FUT8: variants seen among roughly 807,000 people sequenced by gnomAD.
FUT8 encodes alpha-(1,6)-fucosyltransferase.
FUT8 carries 29 observed loss-of-function variants against 71.3 expected under a neutral mutation model. The ratio of observed to expected loss-of-function variants is 0.41; its 90% CI spans 0.30 to 0.55. FUT8 has a LOEUF of 0.55. Ranked by LOEUF, FUT8 falls within the 20% of genes least tolerant of loss-of-function variation. FUT8 has a pLI of 0.34. For synonymous variants in FUT8, 254 were observed against 239.3 expected (o/e 1.06, Z -0.57); for missense variants, 544 against 702.1 (o/e 0.77, Z 2.55).
intron 7 of FUT8, among the ~76,000 whole-genome samples, chr14:65,686,770 A>G (rs1458387024): frequency 6.6e-6 from 1 of 152,208 alleles, no homozygotes; most frequent in Admixed American, 6.5e-5. Flanking sequence ...AAGAGAACTT[A>G]AGAGAAGCTG....
the FUT8 span, among the ~76,000 whole-genome samples, chr14:65,375,455 CAAAAAAAGTTTTAAAATTA>C: frequency 6.6e-6 from 1 of 151,878 alleles, no homozygotes; most frequent in South Asian, 2.1e-4. Context: ...CCCATCTCTA[CAAAAAAAGTTTTAAAATTA>C]GCTGGTTGTG....
At chr14:65,640,785 C>G (rs1461706668) in intron 6 of FUT8, among the ~76,000 whole-genome samples, 1 of 152,064 alleles carries the variant, frequency 6.6e-6, no homozygotes, top group African/African-American at 2.4e-5. Context: ...GTGCTATACT[C>G]CAGAGCCTGG....
At chr14:65,573,749 A>AT (rs1030680410) in intron 3 of FUT8, among the ~76,000 whole-genome samples, 1 of 152,016 alleles carries the variant, frequency 6.6e-6, no homozygotes, top group Non-Finnish European at 1.5e-5. Context: ...AAAAAAAAAA[A>AT]AATAGGGCGT....
intron 1 of FUT8, among the ~76,000 whole-genome samples, chr14:65,446,678 C>CTTT (rs11378151): frequency 0.39 from 51,905 of 133,890 alleles, 10,931 homozygotes; most frequent in Non-Finnish European, 0.48. Context: ...TGTTTTAGGG[C>CTTT]TTTTTTTTTT....
chr14:65,631,584 G>A (rs1890180734), intron 6 of FUT8, among the ~76,000 whole-genome samples: 1 of 151,616 alleles, frequency 6.6e-6, no homozygotes, highest in Non-Finnish European at 1.5e-5. Flanking sequence ...TTCAGATATT[G>A]CTATTTAACT....
intron 7 of FUT8, among the ~76,000 whole-genome samples, chr14:65,670,164 G>A (rs770922464): frequency 5.3e-5 from 8 of 152,158 alleles, no homozygotes; most frequent in Non-Finnish European, 1.0e-4. Context: ...CCAAGGAAGT[G>A]GTGAAGGAGT....
intron 7 of FUT8, among the ~76,000 whole-genome samples, chr14:65,712,365 A>C (rs1372498744): frequency 6.6e-6 from 1 of 152,238 alleles, no homozygotes; most frequent in Admixed American, 6.5e-5. Context: ...TAGTCTCTGA[A>C]CTTTAGAGTT....
intron 3 of FUT8, among the ~76,000 whole-genome samples, chr14:65,585,014 A>G (rs1887299719): frequency 7.0e-6 from 1 of 142,776 alleles, no homozygotes; most frequent in Non-Finnish European, 1.5e-5. Flanking sequence ...CTAATTGTTT[A>G]TACATTTCTT....
At chr14:65,564,155 A>C (rs562002678) in intron 3 of FUT8, among the ~76,000 whole-genome samples, 1 of 151,910 alleles carries the variant, frequency 6.6e-6, no homozygotes, top group Non-Finnish European at 1.5e-5. Flanking sequence ...TAGCATTGGG[A>C]TTTTTTTCCC....
intron 1 of FUT8, among the ~76,000 whole-genome samples, chr14:65,441,810 T>A (rs563019225): frequency 1.2e-4 from 18 of 151,016 alleles, no homozygotes; most frequent in Middle Eastern, 3.4e-3. Context: ...TTTTTTTTTT[T>A]AATTATACTT....
chr14:65,595,602 CTTTTTTTTT>C (rs34129010), intron 3 of FUT8, among the ~76,000 whole-genome samples: 9 of 81,756 alleles, frequency 1.1e-4, no homozygotes, highest in African/African-American at 2.3e-4. Context: ...ACACCATTCT[CTTTTTTTTT>C]TTTTTTTTTT....
intron 3 of FUT8, among the ~76,000 whole-genome samples, chr14:65,611,298 CA>C (rs1347379728): frequency 8.0e-5 from 4 of 50,288 alleles, no homozygotes; most frequent in Admixed American, 2.1e-4. Flanking sequence ...CACACACACA[CA>C]CACCCCCCAA....
At chr14:65,561,280 T>C (rs912136074) in intron 2 of FUT8, 57 bp from the exon 3 acceptor site, 2 of 321,798 alleles carry the variant, frequency 6.2e-6, no homozygotes, top group African/African-American at 4.2e-5. Context: ...AGAATCTCAG[T>C]ATATGCTATT....
intron 7 of FUT8, among the ~76,000 whole-genome samples, chr14:65,717,471 C>T (rs1895170788): frequency 6.9e-6 from 1 of 145,334 alleles, no homozygotes. Flanking sequence ...AGGCGCTCCT[C>T]ACTTCCTAGA....
At chr14:65,546,858 T>G (rs1289166083) in intron 2 of FUT8, among the ~76,000 whole-genome samples, 1 of 151,816 alleles carries the variant, frequency 6.6e-6, no homozygotes, top group Non-Finnish European at 1.5e-5. Context: ...AGAGTTTTCT[T>G]CATGGGAAGA....
At chr14:65,620,243 A>G (rs563614496) in intron 5 of FUT8, among the ~76,000 whole-genome samples, 26 of 152,244 alleles carry the variant, frequency 1.7e-4, no homozygotes, top group African/African-American at 5.8e-4. Context: ...ACAGGAGATG[A>G]GCCATTTTTC....
At chr14:65,723,184 G>A (rs1187863125) in intron 8 of FUT8, among the ~76,000 whole-genome samples, 2 of 151,354 alleles carry the variant, frequency 1.3e-5, no homozygotes. Flanking sequence ...AATTAGCCAG[G>A]CTTGGTGACA....
chr14:65,558,525 G>T (rs1276392216), intron 2 of FUT8, among the ~76,000 whole-genome samples: 2 of 152,138 alleles, frequency 1.3e-5, no homozygotes, highest in Non-Finnish European at 2.9e-5. Flanking sequence ...CATAAATGCA[G>T]TTTAAGCTGT....
chr14:65,415,201 A>C (rs917410204), intron 1 of FUT8, among the ~76,000 whole-genome samples: 2 of 152,212 alleles, frequency 1.3e-5, no homozygotes, highest in African/African-American at 4.8e-5. Context: ...GTGCCAAAGC[A>C]AAGTATAGCT....
Sources: gnomAD v4.1 joint callset for allele counts (sites outside exome capture counted in the v4.1 genomes callset) on GRCh38, gnomAD v4.1.1 for gene constraint, MANE v1.5 for transcripts, NCBI Gene and HGNC (gene_info 2026-07-23, HGNC 2026-07-21) for gene names.